STARD3NL: variants seen among roughly 807,000 people sequenced by gnomAD.
The protein encoded by STARD3NL is STARD3 N-terminal-like protein.
In STARD3NL, 17 loss-of-function variants were observed where a neutral mutation model predicts 30.9. That is an observed-to-expected ratio of 0.55 (90% CI 0.38 to 0.82). The LOEUF is 0.82. Ranked by LOEUF, STARD3NL falls within the 40% of genes least tolerant of loss-of-function variation. The pLI is 0.00. For missense variants in STARD3NL, 234 were observed against 277.6 expected (o/e 0.84, Z 1.12); for synonymous variants, 112 against 100.5 (o/e 1.11, Z -0.69).
At chr7:38,223,475 A>T (rs1786580717) in intron 7 of STARD3NL, among the ~76,000 whole-genome samples, 1 of 152,188 alleles carries the variant, frequency 6.6e-6, no homozygotes, top group Non-Finnish European at 1.5e-5. Context: ...TTAACTTAAA[A>T]TGAGGAATTG....
At chr7:38,182,600 C>T (rs2115896608) in intron 1 of STARD3NL, among the ~76,000 whole-genome samples, 1 of 152,268 alleles carries the variant, frequency 6.6e-6, no homozygotes, top group South Asian at 2.1e-4. Context: ...CATGATGTAT[C>T]AGTACAGCTC....
intron 1 of STARD3NL, among the ~76,000 whole-genome samples, chr7:38,197,133 CTTTT>C (rs201707451): frequency 0.079 from 7,335 of 92,546 alleles, 244 homozygotes; most frequent in Non-Finnish European, 0.098. Context: ...ATAGCATTAC[CTTTT>C]TTCTTTCTTT....
intron 6 of STARD3NL, 148 bp downstream of exon 6, chr7:38,217,453 C>T (rs941012551): frequency 2.3e-5 from 16 of 700,128 alleles, no homozygotes; most frequent in South Asian, 7.3e-5. Context: ...CAGCAGAAAT[C>T]GAGAGAAGGG....
intron 1 of STARD3NL, among the ~76,000 whole-genome samples, chr7:38,181,260 A>T (rs1784235923): frequency 6.6e-6 from 1 of 152,230 alleles, no homozygotes. Flanking sequence ...TCTTACGCTT[A>T]GAAGTATGGG....
At chr7:38,221,250 T>A (rs1786445580) in intron 7 of STARD3NL, among the ~76,000 whole-genome samples, 1 of 152,218 alleles carries the variant, frequency 6.6e-6, no homozygotes, top group African/African-American at 2.4e-5. Flanking sequence ...AACACTTTTT[T>A]AAGTGTCAGG....
intron 2 of STARD3NL, among the ~76,000 whole-genome samples, chr7:38,214,039 T>C (rs1453900594): frequency 6.6e-6 from 1 of 152,210 alleles, no homozygotes; most frequent in East Asian, 1.9e-4. Context: ...TTTAAAAATA[T>C]ACTTTTGTAT....
At chr7:38,182,676 T>G (rs1351014221) in intron 1 of STARD3NL, among the ~76,000 whole-genome samples, 2 of 152,188 alleles carry the variant, frequency 1.3e-5, no homozygotes, top group African/African-American at 2.4e-5. Context: ...ATACCTCTTG[T>G]GGTGAATCAA....
At position 38,217,170 on chromosome 7, in the gene STARD3NL, C is replaced by T. The variant is rs1786170320; in HGVS notation, c.436-18C>T. The T allele has an allele frequency of 6.2e-7, 1 of 1,613,756 alleles. No homozygotes were observed. The highest frequency in any genetic ancestry group is 8.5e-7 in the Non-Finnish European group (1 of 1,179,826). ...GTTTGTGGTAACTGCATTTCCCTTT[C>T]CTGGTCGTATTTTCCAGCTTTTCTC... On this transcript the variant is annotated intron_variant, in intron 5 of 8. Coordinates refer to ENST00000009041, the MANE Select transcript of STARD3NL (RefSeq NM_032016.4).
At chr7:38,218,607 T>G (rs963536412) in intron 6 of STARD3NL, among the ~76,000 whole-genome samples, 2 of 152,248 alleles carry the variant, frequency 1.3e-5, no homozygotes, top group Non-Finnish European at 2.9e-5. Context: ...ACACAATTAA[T>G]GAAAATTTTA....
Position 38,210,091 on chromosome 7 carries a change from C to T in STARD3NL, c.225+2362C>T, listed in dbSNP as rs374441338. ...CTTGACCTGGTGTTTTCACTACACG[C>T]AGTACCATTCATTTTGCTTTGTTGT... On this transcript the variant is annotated intron_variant, in intron 2 of 8. Coordinates refer to ENST00000009041, the MANE Select transcript of STARD3NL (RefSeq NM_032016.4). Among the ~76,000 whole-genome samples, 9 of 152,326 alleles carry T rather than the reference C, an allele frequency of 5.9e-5. No homozygotes were observed. The South Asian group carries it at 6.2e-4, about 11-fold the overall frequency.
At chr7:38,228,251 T>C (rs185155824) in intron 7 of STARD3NL, among the ~76,000 whole-genome samples, 160 of 152,340 alleles carry the variant, frequency 1.1e-3, no homozygotes, top group Non-Finnish European at 1.9e-3. Context: ...TAATAAGCAT[T>C]ATTTCCTCAG....
intron 4 of STARD3NL, 31 bp downstream of exon 4, chr7:38,215,136 C>T: frequency 3.1e-6 from 5 of 1,605,788 alleles, no homozygotes; most frequent in Non-Finnish European, 2.6e-6. Context: ...TGGGTCATCT[C>T]CTCCAGTGCT....
At chr7:38,193,278 G>GTTT (rs760317387) in intron 1 of STARD3NL, among the ~76,000 whole-genome samples, 34 of 133,454 alleles carry the variant, frequency 2.5e-4, no homozygotes, top group East Asian at 4.5e-4. Flanking sequence ...ATTAGGATTA[G>GTTT]TTTTTTGTTG....
At chr7:38,194,259 A>G (rs1438801606) in intron 1 of STARD3NL, among the ~76,000 whole-genome samples, 2 of 152,040 alleles carry the variant, frequency 1.3e-5, no homozygotes, top group South Asian at 4.1e-4. Flanking sequence ...AGTACTTTAC[A>G]TTTGCCCTTT....
intron 1 of STARD3NL, among the ~76,000 whole-genome samples, chr7:38,182,380 C>G (rs1450783235): frequency 6.6e-6 from 1 of 152,158 alleles, no homozygotes; most frequent in Non-Finnish European, 1.5e-5. Context: ...TCAGTGTTCT[C>G]TGTGTTTATG....
intron 1 of STARD3NL, among the ~76,000 whole-genome samples, chr7:38,186,657 G>A (rs947955017): frequency 1.1e-4 from 17 of 152,148 alleles, no homozygotes; most frequent in African/African-American, 4.1e-4. Flanking sequence ...TGTTACAGTT[G>A]CTTATAGTAT....
intron 4 of STARD3NL, 154 bp downstream of exon 4, chr7:38,215,259 T>G: frequency 1.6e-6 from 1 of 642,118 alleles, no homozygotes; most frequent in Non-Finnish European, 2.7e-6. Context: ...TAAGTAGGTT[T>G]AATACTCCAG....
chr7:38,207,309 T>C (rs1261375429), intron 1 of STARD3NL, 138 bp from the exon 2 acceptor site: 1 of 581,508 alleles, frequency 1.7e-6, no homozygotes, highest in Non-Finnish European at 3.0e-6. Context: ...CTCTTTCTCT[T>C]TATGTCTTCA....
intron 2 of STARD3NL, among the ~76,000 whole-genome samples, chr7:38,210,619 C>CT (rs1432116300): frequency 6.6e-6 from 1 of 152,194 alleles, no homozygotes; most frequent in African/African-American, 2.4e-5. Context: ...TTTGAGTAGA[C>CT]TGATTTCCCA....
Sources: allele counts gnomAD v4.1 joint callset (sites outside exome capture counted in the v4.1 genomes callset), GRCh38; gene constraint gnomAD v4.1.1; transcripts MANE v1.5; gene names NCBI Gene and HGNC (gene_info 2026-07-23, HGNC 2026-07-21).